KIAA1217: variants seen among roughly 807,000 people sequenced by gnomAD.
KIAA1217 encodes KIAA1217.
In KIAA1217, 88 loss-of-function variants were observed where a neutral mutation model predicts 163.9. That is an observed-to-expected ratio of 0.54 (90% CI 0.45 to 0.64). The LOEUF (loss-of-function observed/expected upper bound fraction) is 0.64. Ranked by LOEUF, KIAA1217 falls within the 30% of genes least tolerant of loss-of-function variation. The probability of loss-of-function intolerance (pLI) is 0.00; values close to 1 mark genes in which losing one functional copy is unlikely to be tolerated. For synonymous variants in KIAA1217, 903 were observed against 923.1 expected (o/e 0.98, Z 0.39); for missense variants, 2,372 against 2,475.0 (o/e 0.96, Z 0.88).
At chr10:24,067,803 T>G (rs1260941771) in intron 2 of KIAA1217, among the ~76,000 whole-genome samples, 1 of 152,248 alleles carries the variant, frequency 6.6e-6, no homozygotes, top group African/African-American at 2.4e-5. Flanking sequence ...AGTTCGAGCT[T>G]CCTGGCCACT....
intron 2 of KIAA1217, among the ~76,000 whole-genome samples, chr10:24,142,614 A>G (rs1564749484): frequency 6.6e-6 from 1 of 152,246 alleles, no homozygotes; most frequent in African/African-American, 2.4e-5. Context: ...AAAAATAAAT[A>G]AACTTTTAAT....
chr10:24,442,496 C>T (rs2060576208), intron 5 of KIAA1217, among the ~76,000 whole-genome samples: 1 of 152,154 alleles, frequency 6.6e-6, no homozygotes, highest in East Asian at 1.9e-4. Flanking sequence ...ATTCAAGACC[C>T]AAATGTTCAG....
At position 23,790,385 on chromosome 10, in the gene KIAA1217, A is replaced by ACATATG. The variant is rs1564423243; in HGVS notation, c.-321+95152_-321+95157dup. ...TATATACATATACATATGTATATAT[A>ACATATG]CATATGTATATATACATATATACAT... On this transcript the variant is annotated intron_variant, in intron 1 of 18. Coordinates refer to the KIAA1217 transcript ENST00000376462. Among the ~76,000 whole-genome samples the ACATATG allele has an allele frequency of 1.0e-4, 9 of 88,350 alleles. 2 individuals carry two copies. Among genetic ancestry groups the ACATATG allele is most frequent in the Non-Finnish European group, 2.1e-4 (9 of 42,162 alleles). The allele number at this position is 88,350 out of a possible 152,430, so 58.0% of individuals were successfully genotyped here. A position where few individuals can be genotyped will look rare whatever the true frequency, so the allele number is the denominator to read the frequency against.
chr10:23,939,087 C>G (rs1368248773), intron 1 of KIAA1217, among the ~76,000 whole-genome samples: 1 of 151,962 alleles, frequency 6.6e-6, no homozygotes, highest in East Asian at 1.9e-4. Flanking sequence ...ACTGTAAGCC[C>G]TAACACCACC....
intron 1 of KIAA1217, among the ~76,000 whole-genome samples, chr10:23,746,142 G>A (rs1210439736): frequency 1.3e-5 from 2 of 152,198 alleles, no homozygotes; most frequent in Non-Finnish European, 1.5e-5. Context: ...GAATGGCTTG[G>A]TGCCATCCAA....
chr10:23,767,364 A>G (rs1448579887), intron 1 of KIAA1217, among the ~76,000 whole-genome samples: 1 of 152,168 alleles, frequency 6.6e-6, no homozygotes, highest in Non-Finnish European at 1.5e-5. Context: ...ATCTGGAGGA[A>G]TGGTGCTGAG....
At position 24,194,737 on chromosome 10, in the gene KIAA1217, CCTATAGT is replaced by C. The variant is rs376463370; in HGVS notation, c.-170-24887_-170-24881del. Among the ~76,000 whole-genome samples, 292 of 150,822 alleles carry C rather than the reference CCTATAGT, an allele frequency of 1.9e-3. 1 individual carries two copies. Among genetic ancestry groups the C allele is most frequent in the African/African-American group, 6.8e-3 (280 of 41,084 alleles). The stretch of plus-strand genomic sequence containing the variant: ...TAGCTGGGACTATAGGCATGCACCA[CCTATAGT>C]CACACCCAGCCAATTAAATTTTTTT... On this transcript the variant is annotated intron_variant, in intron 2 of 18. Coordinates refer to the KIAA1217 transcript ENST00000376462.
At chr10:24,095,645 C>A (rs1044078335) in intron 2 of KIAA1217, among the ~76,000 whole-genome samples, 2 of 152,168 alleles carry the variant, frequency 1.3e-5, no homozygotes, top group Non-Finnish European at 2.9e-5. Context: ...TCTACAAGTT[C>A]TCCCTAGACA....
At chr10:24,167,679 T>G (rs949729460) in intron 2 of KIAA1217, among the ~76,000 whole-genome samples, 4 of 152,214 alleles carry the variant, frequency 2.6e-5, no homozygotes, top group Non-Finnish European at 5.9e-5. Context: ...CTTTCCTCAC[T>G]GACACTACTC....
chr10:23,884,722 C>A (rs1356828631), intron 1 of KIAA1217, among the ~76,000 whole-genome samples: 1 of 151,916 alleles, frequency 6.6e-6, no homozygotes, highest in Non-Finnish European at 1.5e-5. Flanking sequence ...CTCTAATTAT[C>A]CTACCATGAG....
In KIAA1217 at chr10:24,495,158, T is replaced by C. The variant is rs529985512; in HGVS notation, c.1796T>C (p.Met599Thr). The C allele has an allele frequency of 6.2e-7, 1 of 1,612,684 alleles. No individual in the cohort carries two copies. Among genetic ancestry groups the C allele is most frequent in the East Asian group, 2.2e-5 (1 of 44,836 alleles). ...TTTCTTTTATTCAGCGAGAAAATGA[T>C]GAAAACCACAGCCAACAGGAACCAC... The part of the protein sequence containing the change: ...YSKDASSEKM[M>T]KTTANRNHTD... The change falls in exon 8 of 21, where the codon ATG (methionine) becomes ACG (threonine). Residue 599 changes from methionine to threonine, a missense_variant. Physicochemically the swap from Met to Thr is moderately conservative, Grantham distance 81 (BLOSUM62 -1). This residue lies in a region of KIAA1217 where 1,431 missense variants were observed against 1,470.3 expected (regional missense o/e 0.97). Transcript: ENST00000376454.
Position 24,433,033 on chromosome 10 carries a change from C to T in KIAA1217, c.592C>T (p.Leu198Phe), listed in dbSNP as rs947806355. Reference sequence around the variant, plus strand: ...CCAGTATGGAGATGAAACCAAGCAGCTCAGGATGCCGAATGAAATCACAAG... The same window carrying T: ...CCAGTATGGAGATGAAACCAAGCAGTTCAGGATGCCGAATGAAATCACAAG... Reference protein sequence around the residue: ...YLQYGDETKQLRMPNEITSAD... With the variant: ...YLQYGDETKQFRMPNEITSAD... The change falls in exon 4 of 21, where the codon CTC becomes TTC. Residue 198 changes from leucine to phenylalanine, a missense_variant. Physicochemically the swap from Leu to Phe is conservative, Grantham distance 22. This residue lies in a region of KIAA1217 where 1,431 missense variants were observed against 1,470.3 expected (regional missense o/e 0.97). Coordinates refer to ENST00000376454, the MANE Select transcript of KIAA1217 (RefSeq NM_019590.5). 29 of 1,613,966 alleles carry T rather than the reference C, an allele frequency of 1.8e-5. No individual in the cohort carries two copies. In the Admixed American group the frequency reaches 3.2e-4, roughly 18 times the overall value.
chr10:24,214,949 C>T (rs552450577), intron 1 of KIAA1217, among the ~76,000 whole-genome samples: 1 of 152,184 alleles, frequency 6.6e-6, no homozygotes, highest in East Asian at 1.9e-4. Flanking sequence ...CAGAGTAACC[C>T]GAGTTGTGGC....
chr10:24,006,404 C>CA (rs1457700496), intron 1 of KIAA1217, among the ~76,000 whole-genome samples: 1 of 152,132 alleles, frequency 6.6e-6, no homozygotes, highest in Non-Finnish European at 1.5e-5. Context: ...TTTACAGAAA[C>CA]AAATTTCTAT....
At chr10:24,208,302 G>T (rs1441104197), upstream of KIAA1217, among the ~76,000 whole-genome samples, 2 of 151,768 alleles carry the variant, frequency 1.3e-5, no homozygotes, top group South Asian at 2.1e-4. Context: ...CAGATTTTTG[G>T]AGTCGTTAAC....
intron 2 of KIAA1217, among the ~76,000 whole-genome samples, chr10:24,242,248 T>A (rs960780784): frequency 4.6e-5 from 7 of 152,116 alleles, no homozygotes; most frequent in Non-Finnish European, 1.0e-4. Context: ...ACATCCCACC[T>A]CCATCCCCAC....
chr10:24,180,115 C>T (rs1260862581), intron 2 of KIAA1217, among the ~76,000 whole-genome samples: 1 of 152,010 alleles, frequency 6.6e-6, no homozygotes, highest in Non-Finnish European at 1.5e-5. Flanking sequence ...GCAGAGAGTT[C>T]CTTCTGTATC....
At chr10:24,102,521 A>G (rs1045257516) in intron 2 of KIAA1217, among the ~76,000 whole-genome samples, 1 of 152,238 alleles carries the variant, frequency 6.6e-6, no homozygotes, top group South Asian at 2.1e-4. Context: ...AAGTTATTTC[A>G]TGAATATCAA....
intron 2 of KIAA1217, among the ~76,000 whole-genome samples, chr10:24,321,973 G>C (rs1225983183): frequency 1.3e-5 from 2 of 152,048 alleles, no homozygotes; most frequent in Non-Finnish European, 2.9e-5. Flanking sequence ...TTTTGAGACA[G>C]GGTCTCGCTC....
Sources: allele counts gnomAD v4.1 joint callset (sites outside exome capture counted in the v4.1 genomes callset), GRCh38; gene constraint gnomAD v4.1.1; regional missense constraint gnomAD v4.1.1; transcripts MANE v1.5; gene names NCBI Gene and HGNC (gene_info 2026-07-23, HGNC 2026-07-21).